RAB5B: variants seen among roughly 807,000 people sequenced by gnomAD.
RAB5B encodes the protein ras-related protein Rab-5B.
In RAB5B, 11 loss-of-function variants were observed where a neutral mutation model predicts 28.6. The observed-to-expected ratio is 0.38, with a 90% CI of 0.24 to 0.64. The LOEUF (loss-of-function observed/expected upper bound fraction) is 0.64, where lower values mean the gene tolerates loss of function less well. Ranked by LOEUF, RAB5B falls within the 30% of genes least tolerant of loss-of-function variation. The pLI is 0.53. For synonymous variants in RAB5B, 93 were observed against 97.9 expected, an observed-to-expected ratio of 0.95 and a Z score of 0.29; for missense variants, 169 against 265.6, an observed-to-expected ratio of 0.64 and a Z score of 2.53.
chr12:55,976,434 G>T (rs1174180750), intron 1 of RAB5B, among the ~76,000 whole-genome samples: 6 of 152,142 alleles, frequency 3.9e-5, no homozygotes, highest in Non-Finnish European at 8.8e-5. Context: ...TGTGTGCTGG[G>T]TGTCCTAGGA....
rs748482937 is a variant in RAB5B at position 55,994,285 on chromosome 12, A to G, written c.*2073A>G. 1 of 152,428 alleles carries G rather than the reference A, an allele frequency of 6.6e-6. No individual in the cohort carries two copies. Among genetic ancestry groups the G allele is most frequent in the Non-Finnish European group, 1.5e-5 (1 of 68,032 alleles). The allele number at this position is 152,428 out of a possible 1,614,324, so 9.4% of individuals were successfully genotyped here. A position where few individuals can be genotyped will look rare whatever the true frequency, so the allele number is the denominator to read the frequency against. On this transcript the variant is annotated 3_prime_UTR_variant, in exon 6 of 6. Transcript: ENST00000360299. ...CTAGGATGGCTTTCCAAAGTCTTCT[A>G]GAAATGAAGTTCTTTCTCTGTGCAG...
At chr12:55,980,564 T>G in intron 1 of RAB5B, 1 of 1,596,218 alleles carries the variant, frequency 6.3e-7, no homozygotes, top group Non-Finnish European at 8.6e-7. Flanking sequence ...CTCATCCACA[T>G]TCATACTGGA....
rs1421483048 is a variant in RAB5B, at chr12:55,995,850, G to C, written c.*3638G>C. On this transcript the variant is annotated 3_prime_UTR_variant, in exon 6 of 6. Coordinates refer to ENST00000360299, the MANE Select transcript of RAB5B (RefSeq NM_002868.4). ...CTATTAGGAAGGAGGCTTTTAGATA[G>C]TCCCTAACTGACTTCTCTGTATCTT... 6.7e-6 allele frequency: 1 copy of C among 150,008 alleles called. No homozygotes were observed. Among genetic ancestry groups the C allele is most frequent in the East Asian group, 1.9e-4 (1 of 5,148 alleles). The allele number at this position is 150,008 out of a possible 1,614,324, so 9.3% of individuals were successfully genotyped here. A position where few individuals can be genotyped will look rare whatever the true frequency, so the allele number is the denominator to read the frequency against.
chr12:55,980,535 G>A (rs536934902), intron 1 of RAB5B: 38 of 1,587,454 alleles, frequency 2.4e-5, no homozygotes, highest in African/African-American at 1.2e-4. Flanking sequence ...AAGATGTCCC[G>A]GGCCAGGGAA....
At chr12:55,986,828 A>G (rs1036437408) in intron 1 of RAB5B, 41 bp from the exon 2 acceptor site, 4 of 711,250 alleles carry the variant, frequency 5.6e-6, no homozygotes, top group African/African-American at 5.3e-5. Context: ...TGCAGCTTCA[A>G]TGGACGTATG....
rs1331382490 is a variant in RAB5B, at chr12:55,996,449, G to T, written c.*4237G>T. ...AGAGACTACAACCTTCATACTTCGG[G>T]GTGTTAAGCTGCCATTGCTCTTGTT... On this transcript the variant is annotated 3_prime_UTR_variant, in exon 6 of 6. Transcript: ENST00000360299. 2.6e-5 allele frequency: 4 copies of T among 152,014 alleles called. No homozygotes were observed. The highest frequency in any genetic ancestry group is 2.9e-5 in the Non-Finnish European group (2 of 67,994). The allele number at this position is 152,014 out of a possible 1,614,324, so 9.4% of individuals were successfully genotyped here.
intron 2 of RAB5B, among the ~76,000 whole-genome samples, chr12:55,989,590 A>G (rs956695460): frequency 6.6e-6 from 1 of 152,220 alleles, no homozygotes; most frequent in Admixed American, 6.5e-5. Flanking sequence ...CAATCTTCTA[A>G]TTAATTCTTG....
chr12:55,978,131 C>T (rs556077974), intron 1 of RAB5B, among the ~76,000 whole-genome samples: 1 of 152,292 alleles, frequency 6.6e-6, no homozygotes, highest in South Asian at 2.1e-4. Context: ...TGGGCAAGAT[C>T]CCAAGGGGGC....
chr12:55,989,372 T>G (rs1184362110), intron 2 of RAB5B, among the ~76,000 whole-genome samples: 1 of 152,144 alleles, frequency 6.6e-6, no homozygotes, highest in Non-Finnish European at 1.5e-5. Context: ...CCTCCCAAGT[T>G]CAAGGGATTC....
rs1180223099 is a variant in RAB5B, at chr12:55,991,195, G to A, written c.439-165G>A. The A allele has an allele frequency of 5.1e-6, 3 of 591,004 alleles. No individual in the cohort carries two copies. The East Asian group carries it at 8.5e-5, about 17-fold the overall frequency. 36.6% of individuals were successfully genotyped at this position (591,004 alleles called of 1,614,324 possible). On this transcript the variant is annotated intron_variant, in intron 4 of 5. Coordinates refer to ENST00000360299, the MANE Select transcript of RAB5B (RefSeq NM_002868.4). ...CTGAGTGGACATGGGGTCATCTTGA[G>A]GGAGTTGTCATTAAATTATGCATCT...
chr12:55,988,172 AAC>A (rs1374896057), intron 2 of RAB5B, among the ~76,000 whole-genome samples: 1 of 151,940 alleles, frequency 6.6e-6, no homozygotes, highest in Non-Finnish European at 1.5e-5. Flanking sequence ...CAACAACAAC[AAC>A]AACAAAGATT....
At chr12:55,982,829 A>C (rs74901022) in intron 1 of RAB5B, among the ~76,000 whole-genome samples, 1 of 152,340 alleles carries the variant, frequency 6.6e-6, no homozygotes, top group South Asian at 2.1e-4. Context: ...ATGTTTAGCC[A>C]TGAGAATTCA....
At position 55,986,322 on chromosome 12, in the gene RAB5B, C is replaced by T. The variant is rs755187346; in HGVS notation, c.-92-547C>T. On this transcript the variant is annotated intron_variant, in intron 1 of 5. Coordinates refer to ENST00000360299, the MANE Select transcript of RAB5B (RefSeq NM_002868.4). Reference sequence around the variant, plus strand: ...ATTAGCCAGGCGTGGTGGTGCATGCCTGTAATCCCAGCTACTCGGGAGACT... The same window carrying T: ...ATTAGCCAGGCGTGGTGGTGCATGCTTGTAATCCCAGCTACTCGGGAGACT... Among the ~76,000 whole-genome samples the T allele has an allele frequency of 1.7e-4, 26 of 152,156 alleles. 1 individual carries two copies. Among genetic ancestry groups the T allele is most frequent in the Non-Finnish European group, 2.9e-4 (20 of 68,020 alleles).
At chr12:55,989,833 A>G (rs1890055590) in intron 2 of RAB5B, 114 bp from the exon 3 acceptor site, 3 of 1,265,380 alleles carry the variant, frequency 2.4e-6, no homozygotes, top group Admixed American at 1.7e-5. Context: ...GTAGCTGACT[A>G]TCCTGGGTGG....
chr12:55,984,357 T>C (rs992078171), intron 1 of RAB5B, among the ~76,000 whole-genome samples: 5 of 152,028 alleles, frequency 3.3e-5, no homozygotes, highest in Admixed American at 2.6e-4. Context: ...GCCCAGCTAA[T>C]TTTTGTATTT....
intron 1 of RAB5B, among the ~76,000 whole-genome samples, chr12:55,977,164 G>A (rs1446362140): frequency 1.3e-5 from 2 of 152,024 alleles, no homozygotes; most frequent in African/African-American, 4.8e-5. Flanking sequence ...TAGTAGAGAC[G>A]GGATTTGACC....
At chr12:55,981,102 T>C in intron 1 of RAB5B, 1 of 1,408,838 alleles carries the variant, frequency 7.1e-7, no homozygotes, top group Admixed American at 1.9e-5. Flanking sequence ...ATCGCTCTGT[T>C]GTCCAGGCTG....
intron 1 of RAB5B, among the ~76,000 whole-genome samples, chr12:55,977,403 A>G (rs2136470329): frequency 6.6e-6 from 1 of 152,318 alleles, no homozygotes. Context: ...TTGCAAAAAT[A>G]TATTTGGAGA....
rs559659882 is a variant in RAB5B, at chr12:55,995,119, G to A, written c.*2907G>A. The A allele has an allele frequency of 2.0e-5, 3 of 151,490 alleles. No individual in the cohort carries two copies. The highest frequency in any genetic ancestry group is 4.8e-5 in the African/African-American group (2 of 41,252). 9.4% of individuals were successfully genotyped at this position (151,490 alleles called of 1,614,324 possible). A position where few individuals can be genotyped will look rare whatever the true frequency, so the allele number is the denominator to read the frequency against. On this transcript the variant is annotated 3_prime_UTR_variant, in exon 6 of 6. Coordinates refer to ENST00000360299, the MANE Select transcript of RAB5B (RefSeq NM_002868.4). ...TTCTTTTTTTTTTTTTAATTGAGAC[G>A]GAGTCTCTGTCGCTAGCCTGGAGTA...
Sources: allele counts gnomAD v4.1 joint callset (sites outside exome capture counted in the v4.1 genomes callset), GRCh38; gene constraint gnomAD v4.1.1; transcripts MANE v1.5; gene names NCBI Gene and HGNC (gene_info 2026-07-23, HGNC 2026-07-21).